DISP1: variants seen among roughly 807,000 people sequenced by gnomAD.
DISP1 encodes the protein dispatched RND transporter family member 1.
In DISP1, 30 loss-of-function variants were observed where a neutral mutation model predicts 37.3. That is an observed-to-expected ratio of 0.80 (90% CI 0.60 to 1.09). The LOEUF (loss-of-function observed/expected upper bound fraction) is 1.09. Ranked by LOEUF, DISP1 falls within the 50% of genes least tolerant of loss-of-function variation. The probability of loss-of-function intolerance (pLI) is 0.00; values close to 1 mark genes in which losing one functional copy is unlikely to be tolerated. For synonymous variants in DISP1, 634 were observed against 690.2 expected, an observed-to-expected ratio of 0.92 and a Z score of 1.28; for missense variants, 1,598 against 1,879.5, an observed-to-expected ratio of 0.85 and a Z score of 2.77.
intron 1 of DISP1, among the ~76,000 whole-genome samples, chr1:222,854,783 C>T (rs1304724088): frequency 1.3e-5 from 2 of 151,542 alleles, no homozygotes; most frequent in Admixed American, 6.6e-5. Flanking sequence ...ATTACGCCTA[C>T]CCAGAATACG....
rs1387054415 is a variant in DISP1, at chr1:222,893,542, G to A, written c.-158-34888G>A. 1.3e-5 allele frequency among the ~76,000 whole-genome samples: 2 copies of A among 152,238 alleles called. No homozygotes were observed. Among genetic ancestry groups the A allele is most frequent in the African/African-American group, 4.8e-5 (2 of 41,472 alleles). Reference sequence around the variant, plus strand: ...CTGGCTGCTGTGCACAGACAGCTAGGCACATCAGCTGCTGTGGCAGGGCGG... The same window carrying A: ...CTGGCTGCTGTGCACAGACAGCTAGACACATCAGCTGCTGTGGCAGGGCGG... On this transcript the variant is annotated intron_variant, in intron 1 of 8. Transcript: ENST00000675850. This position sits in a 1 kb window ranked among gnomAD's most constrained non-coding sequence, Gnocchi z 4.3.
In DISP1 at chr1:222,947,695, G is replaced by A. The variant is rs1468176391; in HGVS notation, c.509+4363G>A. 3.9e-5 allele frequency among the ~76,000 whole-genome samples: 6 copies of A among 152,010 alleles called. No individual in the cohort carries two copies. The East Asian group carries it at 1.2e-3, about 29-fold the overall frequency. On this transcript the variant is annotated intron_variant, in intron 3 of 8. Coordinates refer to ENST00000675850, the MANE Select transcript of DISP1 (RefSeq NM_001377229.1). ...GTTCCAGTGTTTCCAGATCCTTGCC[G>A]ACACTTGTTATTTTATCTGTTTTTT...
intron 1 of DISP1, among the ~76,000 whole-genome samples, chr1:222,875,000 T>C (rs1221110734): frequency 6.6e-6 from 1 of 152,170 alleles, no homozygotes; most frequent in Non-Finnish European, 1.5e-5. Flanking sequence ...TAGATAGTTA[T>C]CAGGTCAAAG....
intron 1 of DISP1, among the ~76,000 whole-genome samples, chr1:222,866,667 C>T (rs940338113): frequency 7.9e-5 from 12 of 152,010 alleles, no homozygotes; most frequent in African/African-American, 2.7e-4. Flanking sequence ...ATATTTCCTT[C>T]TTCTTTGTAT....
At chr1:222,949,581 A>C (rs993249218) in intron 3 of DISP1, among the ~76,000 whole-genome samples, 1 of 152,058 alleles carries the variant, frequency 6.6e-6, no homozygotes, top group African/African-American at 2.4e-5. Flanking sequence ...CCCTTAATTA[A>C]CATGTCTAAT....
intron 3 of DISP1, among the ~76,000 whole-genome samples, chr1:222,947,393 T>G (rs139243085): frequency 2.6e-5 from 4 of 152,270 alleles, no homozygotes; most frequent in Non-Finnish European, 4.4e-5. Flanking sequence ...TTATATATTA[T>G]ATTTTATCAT....
At chr1:222,924,207 A>G (rs890936073) in intron 1 of DISP1, among the ~76,000 whole-genome samples, 1 of 152,218 alleles carries the variant, frequency 6.6e-6, no homozygotes, top group Non-Finnish European at 1.5e-5. Context: ...ATTTGCTTGC[A>G]ATATTGTCTT....
At chr1:222,935,152 T>C (rs1673642566) in intron 2 of DISP1, among the ~76,000 whole-genome samples, 1 of 152,184 alleles carries the variant, frequency 6.6e-6, no homozygotes, top group Non-Finnish European at 1.5e-5. Context: ...TGATGTACTG[T>C]ATCAAATCTT....
At chr1:222,986,945 A>G (rs546564891) in intron 4 of DISP1, among the ~76,000 whole-genome samples, 3 of 152,282 alleles carry the variant, frequency 2.0e-5, no homozygotes, top group African/African-American at 4.8e-5. Context: ...ATATGATTTG[A>G]TATGCAGAAG....
chr1:222,835,725 G>T (rs1464515245), intron 1 of DISP1, among the ~76,000 whole-genome samples: 1 of 152,156 alleles, frequency 6.6e-6, no homozygotes. Flanking sequence ...GCCGAGGCAG[G>T]TGGATTACCT....
intron 1 of DISP1, among the ~76,000 whole-genome samples, chr1:222,889,178 G>A (rs1299523082): frequency 2.0e-5 from 3 of 152,060 alleles, no homozygotes; most frequent in Non-Finnish European, 4.4e-5. Flanking sequence ...TTGGGAAAAG[G>A]TATTGGGATT....
At chr1:222,982,983 G>T in intron 3 of DISP1, 97 bp from the exon 4 acceptor site, 3 of 861,330 alleles carry the variant, frequency 3.5e-6, no homozygotes, top group Non-Finnish European at 3.7e-6. Flanking sequence ...GAGATAACAA[G>T]TAAAATGTTC....
chr1:222,885,522 G>A (rs931366242), intron 1 of DISP1, among the ~76,000 whole-genome samples: 1 of 149,626 alleles, frequency 6.7e-6, no homozygotes, highest in African/African-American at 2.5e-5. Flanking sequence ...AGGCTAGGGT[G>A]CAGTGGTGCA....
At chr1:222,843,921 T>C (rs974295388) in intron 1 of DISP1, among the ~76,000 whole-genome samples, 3 of 152,108 alleles carry the variant, frequency 2.0e-5, no homozygotes, top group Non-Finnish European at 2.9e-5. Flanking sequence ...GCTGAAGATA[T>C]AGATATATTA....
intron 4 of DISP1, among the ~76,000 whole-genome samples, chr1:222,986,483 CAA>C (rs1332881361): frequency 6.6e-6 from 1 of 152,056 alleles, no homozygotes; most frequent in Non-Finnish European, 1.5e-5. Flanking sequence ...AGAGTAAACC[CAA>C]TAATAAGGTG....
At chr1:222,913,724 T>C (rs980941075) in intron 1 of DISP1, among the ~76,000 whole-genome samples, 1 of 148,808 alleles carries the variant, frequency 6.7e-6, no homozygotes, top group Non-Finnish European at 1.5e-5. Context: ...CTCAGTAACA[T>C]AGCAAGACTA....
chr1:222,863,776 T>C (rs1406286257), intron 1 of DISP1, among the ~76,000 whole-genome samples: 1 of 152,226 alleles, frequency 6.6e-6, no homozygotes, highest in Non-Finnish European at 1.5e-5. Flanking sequence ...ATTTTGGTGC[T>C]TAAGTCATTC....
intron 1 of DISP1, among the ~76,000 whole-genome samples, chr1:222,831,208 G>A (rs1165214429): frequency 6.6e-6 from 1 of 152,090 alleles, no homozygotes; most frequent in Non-Finnish European, 1.5e-5. Flanking sequence ...TTCTGTCAAC[G>A]TTGAGAATTT....
At chr1:222,871,404 T>G (rs1669564783) in intron 1 of DISP1, among the ~76,000 whole-genome samples, 1 of 152,166 alleles carries the variant, frequency 6.6e-6, no homozygotes, top group African/African-American at 2.4e-5. Context: ...TTCACGATAT[T>G]GATTCTTCCT....
Sources: gnomAD v4.1 joint callset for allele counts (sites outside exome capture counted in the v4.1 genomes callset) on GRCh38, gnomAD v4.1.1 for gene constraint, Gnocchi (gnomAD v3.1) non-coding constraint, MANE v1.5 for transcripts, NCBI Gene and HGNC (gene_info 2026-07-23, HGNC 2026-07-21) for gene names.